Variants in IQGAP2 observed in about 807,000 individuals in gnomAD.
IQGAP2 encodes the protein IQ motif containing GTPase activating protein 2.
IQGAP2 carries 173 observed loss-of-function variants against 201.3 expected under a neutral mutation model. The ratio of observed to expected loss-of-function variants is 0.86; its 90% CI spans 0.76 to 0.98. The LOEUF is 0.98. IQGAP2 is among the 50% of genes least tolerant of loss of function. The pLI is 0.00. For missense variants in IQGAP2, 1,687 were observed against 1,864.8 expected (o/e 0.90, Z 1.76); for synonymous variants, 675 against 673.9 (o/e 1.00, Z -0.03).
intron 1 of IQGAP2, among the ~76,000 whole-genome samples, chr5:76,414,070 C>A (rs887335806): frequency 1.3e-5 from 2 of 151,810 alleles, no homozygotes; most frequent in African/African-American, 2.4e-5. Flanking sequence ...CATTAGGAAT[C>A]GAAAACCTGG....
At chr5:76,512,352 C>A (rs1405849761) in intron 2 of IQGAP2, among the ~76,000 whole-genome samples, 1 of 152,192 alleles carries the variant, frequency 6.6e-6, no homozygotes, top group East Asian at 1.9e-4. Flanking sequence ...AAATTTAAAA[C>A]CTTAGGAGGA....
At chr5:76,630,883 A>T (rs1750645271) in intron 14 of IQGAP2, among the ~76,000 whole-genome samples, 2 of 152,040 alleles carry the variant, frequency 1.3e-5, no homozygotes, top group South Asian at 4.1e-4. Context: ...GCCCCTCCAG[A>T]TTTGCATGAC....
chr5:76,544,512 G>A (rs1742975954), intron 2 of IQGAP2, among the ~76,000 whole-genome samples: 1 of 152,198 alleles, frequency 6.6e-6, no homozygotes, highest in African/African-American at 2.4e-5. Context: ...GCCACCTTGT[G>A]AGCTGCCTGT....
At chr5:76,530,943 G>A (rs994377781) in intron 2 of IQGAP2, among the ~76,000 whole-genome samples, 1 of 152,188 alleles carries the variant, frequency 6.6e-6, no homozygotes, top group South Asian at 2.1e-4. Flanking sequence ...GCCCAAAGGG[G>A]TGTTTTGTGT....
chr5:76,450,350 A>G (rs549534713), intron 1 of IQGAP2, among the ~76,000 whole-genome samples: 2 of 152,328 alleles, frequency 1.3e-5, no homozygotes, highest in South Asian at 4.1e-4. Flanking sequence ...AAGAATAAAA[A>G]TGTTTGCACT....
chr5:76,626,796 G>C (rs897494384), intron 13 of IQGAP2, among the ~76,000 whole-genome samples: 1 of 152,094 alleles, frequency 6.6e-6, no homozygotes, highest in Non-Finnish European at 1.5e-5. Context: ...AGGGTAGCCC[G>C]GGAAGACTTT....
chr5:76,640,398 T>C (rs1355338837), intron 16 of IQGAP2, among the ~76,000 whole-genome samples: 1 of 152,222 alleles, frequency 6.6e-6, no homozygotes, highest in Admixed American at 6.5e-5. Flanking sequence ...ATTTCTGCTC[T>C]CTATCCTTAA....
At chr5:76,451,583 A>G (rs1475352668) in intron 1 of IQGAP2, among the ~76,000 whole-genome samples, 1 of 152,222 alleles carries the variant, frequency 6.6e-6, no homozygotes, top group Non-Finnish European at 1.5e-5. Context: ...AAATACGGTA[A>G]AACTGACTAA....
At chr5:76,668,295 A>G (rs1743972378) in intron 22 of IQGAP2, among the ~76,000 whole-genome samples, 1 of 152,130 alleles carries the variant, frequency 6.6e-6, no homozygotes, top group African/African-American at 2.4e-5. Flanking sequence ...AAGTAGATAT[A>G]ATATGTTAAG....
intron 2 of IQGAP2, among the ~76,000 whole-genome samples, chr5:76,549,424 G>A (rs1185062581): frequency 6.6e-6 from 1 of 151,716 alleles, no homozygotes; most frequent in Non-Finnish European, 1.5e-5. Flanking sequence ...CTAACTGAGT[G>A]AGCCAGTCAA....
chr5:76,588,530 T>C (rs941968680), intron 5 of IQGAP2, among the ~76,000 whole-genome samples: 1 of 152,270 alleles, frequency 6.6e-6, no homozygotes, highest in Non-Finnish European at 1.5e-5. Flanking sequence ...TAATTCATGC[T>C]GTACCTTCAA....
At chr5:76,458,937 AG>A in intron 1 of IQGAP2, among the ~76,000 whole-genome samples, 1 of 152,280 alleles carries the variant, frequency 6.6e-6, no homozygotes, top group Middle Eastern at 3.4e-3. Flanking sequence ...GGGCACCATG[AG>A]GACACAAATA....
chr5:76,588,923 T>C lies in IQGAP2; in HGVS notation c.476T>C (p.Leu159Pro). 1 of 1,606,758 alleles carries C rather than the reference T, an allele frequency of 6.2e-7. No individual in the cohort carries two copies. Among genetic ancestry groups the C allele is most frequent in the Non-Finnish European group, 8.5e-7 (1 of 1,174,016 alleles). Residue 159 changes from leucine (L) to proline (P), a missense_variant, in exon 6 of 36, where the codon CTA (leucine) becomes CCA (proline). By Grantham distance (98) the Leu-to-Pro change is moderately conservative. Coordinates refer to ENST00000274364, the MANE Select transcript of IQGAP2 (RefSeq NM_006633.5). ...TCTTTCAGTTTGTATCTGTTCAAAC[T>C]AGGAATAGCACCCCAGATCCAGGAT... ...IHALSLYLFK[L>P]GIAPQIQDLL...
intron 2 of IQGAP2, among the ~76,000 whole-genome samples, chr5:76,496,745 C>CTTTCTTTTCTTTCTTTCTTTCT (rs1580321537): frequency 2.0e-5 from 1 of 51,074 alleles, no homozygotes; most frequent in Admixed American, 2.3e-4. Flanking sequence ...TTCTTTCTTT[C>CTTTCTTTTCTTTCTTTCTTTCT]TTTCTTTCTT....
chr5:76,446,988 C>A (rs560523844), intron 1 of IQGAP2, among the ~76,000 whole-genome samples: 1 of 152,354 alleles, frequency 6.6e-6, no homozygotes, highest in African/African-American at 2.4e-5. Flanking sequence ...GGCACCAGTG[C>A]ATTAAGAAGG....
intron 5 of IQGAP2, among the ~76,000 whole-genome samples, chr5:76,580,346 G>T (rs988634218): frequency 5.3e-5 from 8 of 151,604 alleles, no homozygotes; most frequent in African/African-American, 1.9e-4. Context: ...GCTGAGGCAG[G>T]AGAATAGACC....
At chr5:76,494,227 T>G (rs1251863547) in intron 2 of IQGAP2, among the ~76,000 whole-genome samples, 1 of 152,212 alleles carries the variant, frequency 6.6e-6, no homozygotes, top group African/African-American at 2.4e-5. Flanking sequence ...ATTTTCTCTT[T>G]GAAATTCTTA....
intron 16 of IQGAP2, 111 bp from the exon 17 acceptor site, chr5:76,640,822 C>A: frequency 2.5e-6 from 2 of 804,380 alleles, no homozygotes; most frequent in Non-Finnish European, 1.9e-6. Flanking sequence ...TTAAACCAAG[C>A]CAAAAGGAGA....
rs367899468 is a variant in IQGAP2, at chr5:76,618,240, C to G, written c.1521+7057C>G. On this transcript the variant is annotated intron_variant, in intron 13 of 35. Transcript: ENST00000274364. ...GACCTCTCCAAATACCCAGTTGTTC[C>G]CATTGAGATGATAAGCTATCTTAAA... The G allele has an allele frequency of 2.5e-6, 4 of 1,614,092 alleles. No homozygotes were observed. In the African/African-American group the frequency reaches 5.3e-5, roughly 22 times the overall value.
Sources: gnomAD v4.1 joint callset for allele counts (sites outside exome capture counted in the v4.1 genomes callset) on GRCh38, gnomAD v4.1.1 for gene constraint, MANE v1.5 for transcripts, NCBI Gene and HGNC (gene_info 2026-07-23, HGNC 2026-07-21) for gene names.